NELL2: variants seen among roughly 807,000 people sequenced by gnomAD.
NELL2 encodes the protein protein kinase C-binding protein NELL2.
In NELL2, 41 loss-of-function variants were observed where a neutral mutation model predicts 109.6. The ratio of observed to expected loss-of-function variants is 0.37; its 90% confidence interval spans 0.29 to 0.49. The LOEUF is 0.49. Among genes scored for constraint, NELL2 ranks in the 20% least tolerant of loss-of-function variants. The probability of loss-of-function intolerance (pLI) is 0.98; values close to 1 mark genes in which losing one functional copy is unlikely to be tolerated. For synonymous variants in NELL2, 355 were observed against 344.7 expected, an observed-to-expected ratio of 1.03 and a Z score of -0.33; for missense variants, 900 against 1,008.3, an observed-to-expected ratio of 0.89 and a Z score of 1.45.
chr12:44,644,580 G>GTATATATA (rs138161908), intron 13 of NELL2, among the ~76,000 whole-genome samples: 212 of 84,262 alleles, frequency 2.5e-3, no homozygotes, highest in East Asian at 0.018. Context: ...ACAAAGTAAA[G>GTATATATA]TATATATATA....
rs185043160 is a variant in NELL2, at chr12:44,525,536, C to G, written c.1805-2052G>C. On this transcript the variant is annotated intron_variant, in intron 16 of 19. Coordinates refer to ENST00000429094, the MANE Select transcript of NELL2 (RefSeq NM_001145108.2). ...CAATGCAGAAACTTTTCCCAACTAA[C>G]TGGTGGTATAGAATTTTGGAACCCA... Among the ~76,000 whole-genome samples, 920 of 152,298 alleles carry G rather than the reference C, an allele frequency of 6.0e-3. 8 individuals carry two copies. Among genetic ancestry groups the G allele is most frequent in the African/African-American group, 0.022 (894 of 41,576 alleles).
chr12:44,724,029 G>GTA (rs1431375797), intron 9 of NELL2, among the ~76,000 whole-genome samples: 3 of 151,684 alleles, frequency 2.0e-5, no homozygotes, highest in African/African-American at 2.4e-5. Flanking sequence ...AGAAAATGTA[G>GTA]TATATATATA....
chr12:44,829,575 G>T (rs1452450504), intron 2 of NELL2, among the ~76,000 whole-genome samples: 1 of 152,062 alleles, frequency 6.6e-6, no homozygotes, highest in Non-Finnish European at 1.5e-5. Flanking sequence ...TGAAATGTTT[G>T]AATTTCTTTA....
In NELL2 at chr12:44,562,103, G is replaced by A. The variant is rs187358866; in HGVS notation, c.1664-29382C>T. On this transcript the variant is annotated intron_variant, in intron 15 of 19. Transcript: ENST00000429094. ...TTTAATAAATGGTGCTGGGAAAACT[G>A]GCTAGCCATATGCAGAAAACTGAAA... 3.9e-5 allele frequency among the ~76,000 whole-genome samples: 6 copies of A among 152,248 alleles called. No homozygotes were observed. The East Asian group carries it at 9.6e-4, about 24-fold the overall frequency.
At chr12:44,864,602 A>G (rs189913370) in intron 2 of NELL2, among the ~76,000 whole-genome samples, 18 of 152,362 alleles carry the variant, frequency 1.2e-4, no homozygotes, top group Admixed American at 1.0e-3. Context: ...ATAGACTGCA[A>G]TACAATACAA....
chr12:44,879,743 G>T (rs1945389498), upstream of NELL2, among the ~76,000 whole-genome samples: 1 of 151,970 alleles, frequency 6.6e-6, no homozygotes, highest in African/African-American at 2.4e-5. Flanking sequence ...AAGCTTTGAA[G>T]AATTATATCT....
At chr12:44,510,716 GTCA>G (rs1940960741) in intron 19 of NELL2, among the ~76,000 whole-genome samples, 1 of 152,102 alleles carries the variant, frequency 6.6e-6, no homozygotes, top group Non-Finnish European at 1.5e-5. Context: ...TTAAAGTTTT[GTCA>G]TCATATCTCC....
At chr12:44,818,775 G>T (rs1415854714) in intron 2 of NELL2, among the ~76,000 whole-genome samples, 1 of 113,624 alleles carries the variant, frequency 8.8e-6, no homozygotes, top group African/African-American at 3.5e-5. Context: ...TCGCTCTGTC[G>T]CCCAGGCCGG....
At chr12:44,890,031 G>C (rs1945516186) in intron 1 of NELL2, among the ~76,000 whole-genome samples, 1 of 152,178 alleles carries the variant, frequency 6.6e-6, no homozygotes. Context: ...ATCTAAAAAG[G>C]CTGGCAGGGA....
At chr12:44,586,711 C>T (rs896541041) in intron 15 of NELL2, among the ~76,000 whole-genome samples, 1 of 152,152 alleles carries the variant, frequency 6.6e-6, no homozygotes, top group Non-Finnish European at 1.5e-5. Context: ...AGATGTATTG[C>T]AGTAGTTAGC....
In NELL2 at chr12:44,882,652, C is replaced by T. The variant is rs140085397; in HGVS notation, c.39-6752G>A. Among the ~76,000 whole-genome samples, 918 of 151,376 alleles carry T rather than the reference C, an allele frequency of 6.1e-3. 18 individuals carry two copies. The highest frequency in any genetic ancestry group is 0.021 in the African/African-American group (873 of 41,020). On this transcript the variant is annotated intron_variant, in intron 1 of 20. Transcript: ENST00000333837. ...GAGCAATTCTCCTGCCTCAGCCTCC[C>T]GAGTAGCTGGAATTACAGGCAGGCA...
At chr12:44,679,548 G>A (rs1261990720) in intron 12 of NELL2, among the ~76,000 whole-genome samples, 1 of 152,084 alleles carries the variant, frequency 6.6e-6, no homozygotes, top group East Asian at 1.9e-4. Flanking sequence ...GTGACCTGGG[G>A]AGAACAGGCA....
intron 1 of NELL2, among the ~76,000 whole-genome samples, chr12:44,883,442 G>A (rs895846333): frequency 6.6e-6 from 1 of 151,848 alleles, no homozygotes; most frequent in African/African-American, 2.4e-5. Flanking sequence ...TTTTAGATTA[G>A]GACCCCCTGG....
At chr12:44,532,003 T>A (rs2139009162) in intron 16 of NELL2, among the ~76,000 whole-genome samples, 1 of 152,296 alleles carries the variant, frequency 6.6e-6, no homozygotes, top group South Asian at 2.1e-4. Context: ...TCAAAATTAA[T>A]GGTAACTAAT....
At chr12:44,683,616 G>A (rs915083331) in intron 12 of NELL2, among the ~76,000 whole-genome samples, 3 of 151,934 alleles carry the variant, frequency 2.0e-5, no homozygotes, top group African/African-American at 7.3e-5. Context: ...TTTATTGAGA[G>A]TTTTTAGCAT....
At chr12:44,835,926 A>G (rs1944040191) in intron 2 of NELL2, among the ~76,000 whole-genome samples, 1 of 152,246 alleles carries the variant, frequency 6.6e-6, no homozygotes, top group Non-Finnish European at 1.5e-5. Flanking sequence ...AGGCAGAGGA[A>G]GAATATGTAC....
chr12:44,838,429 G>A (rs1944120888), intron 2 of NELL2, among the ~76,000 whole-genome samples: 1 of 152,190 alleles, frequency 6.6e-6, no homozygotes, highest in African/African-American at 2.4e-5. Flanking sequence ...ACATTCTAGA[G>A]TCAGTGTATA....
intron 15 of NELL2, among the ~76,000 whole-genome samples, chr12:44,541,143 CG>C (rs1942543072): frequency 6.7e-6 from 1 of 148,408 alleles, no homozygotes; most frequent in South Asian, 2.1e-4. Flanking sequence ...CCCAGCTACT[CG>C]GGAGGCTGAG....
intron 3 of NELL2, among the ~76,000 whole-genome samples, chr12:44,812,713 T>C (rs1474724609): frequency 6.6e-6 from 1 of 152,144 alleles, no homozygotes; most frequent in Non-Finnish European, 1.5e-5. Context: ...AGAAGGTCTG[T>C]TGAGATGATA....
Sources: allele counts gnomAD v4.1 joint callset (sites outside exome capture counted in the v4.1 genomes callset), GRCh38; gene constraint gnomAD v4.1.1; transcripts MANE v1.5; gene names NCBI Gene and HGNC (gene_info 2026-07-23, HGNC 2026-07-21).